Variants in CCPG1 observed in about 807,000 individuals in gnomAD.
CCPG1 encodes cell cycle progression protein 1.
Under a neutral mutation model 81.3 loss-of-function variants are expected in CCPG1, and 46 were observed. The ratio of observed to expected loss-of-function variants is 0.57; its 90% CI spans 0.45 to 0.72. The LOEUF (loss-of-function observed/expected upper bound fraction) is 0.72. Among genes scored for constraint, CCPG1 ranks in the 30% least tolerant of loss-of-function variants. The pLI, the probability that CCPG1 is intolerant of heterozygous loss-of-function variation, is 0.00. For missense variants in CCPG1, 902 were observed against 937.6 expected, an observed-to-expected ratio of 0.96 and a Z score of 0.50; for synonymous variants, 330 against 305.2, an observed-to-expected ratio of 1.08 and a Z score of -0.85.
chr15:55,359,330 A>G, intron 8 of CCPG1: 1 of 1,264,130 alleles, frequency 7.9e-7, no homozygotes, highest in Non-Finnish European at 9.9e-7. Context: ...GCTCAAGTCA[A>G]AGTGATCACG....
At chr15:55,385,170 T>C (rs1486446412) in intron 3 of CCPG1, among the ~76,000 whole-genome samples, 1 of 152,106 alleles carries the variant, frequency 6.6e-6, no homozygotes, top group Non-Finnish European at 1.5e-5. Flanking sequence ...AAGTTTTTCT[T>C]TGTTTGTTTG....
Position 55,365,319 on chromosome 15 carries a change from ATATTTT to A in CCPG1, c.707-16_707-11del, listed in dbSNP as rs777831071. ...TGAATCTGAATTGTGCCTAAAATAA[ATATTTT>A]TATTAAAGGTATGTAACAAAAATAT... On this transcript the variant is annotated splice_polypyrimidine_tract_variant and intron_variant, in intron 6 of 8. Transcript: ENST00000442196. 216 of 1,483,554 alleles carry A rather than the reference ATATTTT, an allele frequency of 1.5e-4. No individual in the cohort carries two copies. The highest frequency in any genetic ancestry group is 3.0e-5 in the Non-Finnish European group (33 of 1,084,546). 91.9% of individuals were successfully genotyped at this position (1,483,554 alleles called of 1,614,324 possible). A position where few individuals can be genotyped will look rare whatever the true frequency, so the allele number is the denominator to read the frequency against.
intron 3 of CCPG1, among the ~76,000 whole-genome samples, chr15:55,382,741 C>A (rs1282619307): frequency 6.6e-6 from 1 of 152,068 alleles, no homozygotes; most frequent in Non-Finnish European, 1.5e-5. Context: ...GATCTCCTGA[C>A]CTCATGATCC....
At chr15:55,364,485 G>T (rs75381973) in intron 7 of CCPG1, among the ~76,000 whole-genome samples, 6,161 of 150,886 alleles carry the variant, frequency 0.041, 504 homozygotes, top group African/African-American at 0.14. Flanking sequence ...ACTTATAAAA[G>T]ATGTTAACTA....
chr15:55,357,308 T>C lies in CCPG1; in HGVS notation c.2235-899A>G, dbSNP rs189806526. The C allele has an allele frequency of 1.4e-3, 1,377 of 984,244 alleles. 2 individuals carry two copies. The highest frequency in any genetic ancestry group is 1.6e-3 in the Non-Finnish European group (1,329 of 828,866). 61.0% of individuals were successfully genotyped at this position (984,244 alleles called of 1,614,324 possible). On this transcript the variant is annotated intron_variant, in intron 8 of 8. Coordinates refer to ENST00000442196, the MANE Select transcript of CCPG1 (RefSeq NM_001204450.2). ...ACTTCTCCTTCACAAGAAATATCAA[T>C]GTTACTATTTTCCAAATGTTTTTTC...
intron 1 of CCPG1, among the ~76,000 whole-genome samples, chr15:55,402,807 C>T (rs917205232): frequency 1.3e-5 from 2 of 152,202 alleles, no homozygotes; most frequent in African/African-American, 4.8e-5. Context: ...TAGCTACTTC[C>T]TATTGTCAAA....
In CCPG1 at chr15:55,360,547, T is replaced by C. The variant is rs1566965914; in HGVS notation, c.1226A>G (p.His409Arg). 14 of 1,614,050 alleles carry C rather than the reference T, an allele frequency of 8.7e-6. No individual in the cohort carries two copies. The highest frequency in any genetic ancestry group is 1.1e-5 in the Non-Finnish European group (13 of 1,180,034). Residue 409 changes from histidine to arginine, a missense_variant, in exon 8 of 9, where the codon CAT becomes CGT. Coordinates refer to ENST00000442196, the MANE Select transcript of CCPG1 (RefSeq NM_001204450.2). ...TACATTGGGAGAATCTGACTTGCCA[T>C]GTAACTGACTACCACTTAACTGCTG... ...ELQQLSGSQL[H>R]GKSDSPNVYT...
chr15:55,372,071 C>T, intron 5 of CCPG1, 27 bp from the exon 6 acceptor site: 1 of 1,598,650 alleles, frequency 6.3e-7, no homozygotes, highest in Non-Finnish European at 8.5e-7. Context: ...TGACATTTAG[C>T]TATTCAAAAT....
chr15:55,357,368 T>C, intron 8 of CCPG1: 2 of 985,410 alleles, frequency 2.0e-6, no homozygotes, highest in Non-Finnish European at 2.4e-6. Context: ...CCAGTTTAGA[T>C]GTTCATCAGC....
Position 55,360,768 on chromosome 15 carries a change from A to G in CCPG1, c.1005T>C (p.Ile335=), listed in dbSNP as rs369137080. Reference sequence around the variant, plus strand: ...TTGTCCCTTTATCTTCCAATATTCTAATCTGTTCTCTTAGTTTGTTTAACT... The same window carrying G: ...TTGTCCCTTTATCTTCCAATATTCTGATCTGTTCTCTTAGTTTGTTTAACT... The part of the protein sequence containing the change: ...QEELNKLREQ[I]RILEDKGTST... The change falls in exon 8 of 9, where the codon ATT becomes ATC. Residue 335 remains isoleucine (I), a synonymous_variant. Transcript: ENST00000442196. 3.1e-6 allele frequency: 5 copies of G among 1,612,206 alleles called. No individual in the cohort carries two copies. In the African/African-American group the frequency reaches 4.0e-5, roughly 13 times the overall value.
chr15:55,360,982 A>C (rs774244133), intron 7 of CCPG1, 38 bp from the exon 8 acceptor site: 4 of 1,463,406 alleles, frequency 2.7e-6, no homozygotes, highest in Non-Finnish European at 3.6e-6. Context: ...TAAAATGTCA[A>C]ATGCTTTAAA....
intron 5 of CCPG1, among the ~76,000 whole-genome samples, chr15:55,373,581 C>T (rs565830601): frequency 6.6e-6 from 1 of 152,228 alleles, no homozygotes; most frequent in Admixed American, 6.5e-5. Context: ...TTATGCCCAT[C>T]ATGTTTATCT....
chr15:55,406,309 CT>C (rs1224052768), intron 1 of CCPG1, among the ~76,000 whole-genome samples: 1 of 151,238 alleles, frequency 6.6e-6, no homozygotes, highest in Admixed American at 6.6e-5. Context: ...TACTTGCATC[CT>C]TTTTTAAAAG....
chr15:55,388,291 C>T (rs1181457218), intron 2 of CCPG1, among the ~76,000 whole-genome samples: 1 of 152,094 alleles, frequency 6.6e-6, no homozygotes, highest in East Asian at 1.9e-4. Context: ...CAATATACTG[C>T]CATTTTTCTA....
chr15:55,372,126 C>G (rs2056462199), intron 5 of CCPG1, 82 bp from the exon 6 acceptor site: 1 of 1,310,476 alleles, frequency 7.6e-7, no homozygotes, highest in South Asian at 1.4e-5. Flanking sequence ...ATAATCAATG[C>G]CATCCCTTAC....
chr15:55,363,240 T>C (rs1360653053), intron 7 of CCPG1, among the ~76,000 whole-genome samples: 1 of 150,350 alleles, frequency 6.7e-6, no homozygotes, highest in East Asian at 2.0e-4. Context: ...TCCCAGCTAC[T>C]TGGGAGACTG....
intron 5 of CCPG1, chr15:55,372,642 G>A (rs1023169833): frequency 3.0e-5 from 7 of 233,364 alleles, no homozygotes; most frequent in Non-Finnish European, 5.9e-5. Flanking sequence ...CTGGGAGACA[G>A]AGCAAAACTC....
At chr15:55,403,209 C>CA (rs942657032) in intron 1 of CCPG1, among the ~76,000 whole-genome samples, 2 of 152,116 alleles carry the variant, frequency 1.3e-5, no homozygotes, top group Admixed American at 1.3e-4. Context: ...CAAATACCCC[C>CA]ATAAAGGCAG....
rs772977461 is a variant in CCPG1 at position 55,371,974 on chromosome 15, A to G, written c.525T>C (p.Phe175=). ...DETSNQPSPA[F]RRRRARKKTV... is the part of the protein sequence containing the mutation. ...TCTTCTTCCTAGCACGGCGTCGTCT[A>G]AAGGCAGGACTGGGCTGATTACTGG... is the stretch of plus-strand genomic sequence containing the variant. Residue 175 remains phenylalanine, a synonymous_variant, in exon 6 of 9, where the codon TTT becomes TTC. Coordinates refer to ENST00000442196, the MANE Select transcript of CCPG1 (RefSeq NM_001204450.2). 1.2e-6 allele frequency: 2 copies of G among 1,614,172 alleles called. No homozygotes were observed. Among genetic ancestry groups the G allele is most frequent in the South Asian group, 2.2e-5 (2 of 91,084 alleles).
Sources: gnomAD v4.1 joint callset for allele counts (sites outside exome capture counted in the v4.1 genomes callset) on GRCh38, gnomAD v4.1.1 for gene constraint, MANE v1.5 for transcripts, NCBI Gene and HGNC (gene_info 2026-07-23, HGNC 2026-07-21) for gene names.